Variants in SDF2L1 observed in about 807,000 individuals in gnomAD.
SDF2L1 encodes the protein stromal cell derived factor 2 like 1, also known as stromal cell-derived factor 2-like protein 1.
Under a neutral mutation model 19.4 loss-of-function variants are expected in SDF2L1, and 18 were observed. The ratio of observed to expected loss-of-function variants is 0.93; its 90% CI spans 0.64 to 1.38. SDF2L1 has a LOEUF of 1.38. Among genes scored for constraint, SDF2L1 ranks in the 40% most tolerant of loss-of-function variants. SDF2L1 has a pLI of 0.00. For synonymous variants in SDF2L1, 161 were observed against 148.9 expected, an observed-to-expected ratio of 1.08 and a Z score of -0.59; for missense variants, 263 against 319.4, an observed-to-expected ratio of 0.82 and a Z score of 1.35.
Position 21,642,317 on chromosome 22 carries a change from G to A in SDF2L1, c.-20G>A. 1 of 1,337,750 alleles carries A rather than the reference G, an allele frequency of 7.5e-7. No homozygotes were observed. Among genetic ancestry groups the A allele is most frequent in the Non-Finnish European group, 9.5e-7 (1 of 1,052,120 alleles). The allele number at this position is 1,337,750 out of a possible 1,614,324, so 82.9% of individuals were successfully genotyped here. On this transcript the variant is annotated 5_prime_UTR_variant, in exon 1 of 3. Transcript: ENST00000248958. ...CGGAAGCGGCCCCTGGGCCCGAGGG[G>A]CTGGAGCCGGGCCGGGGCGATGTGG...
At chr22:21,643,841 G>A (rs1462973983) in intron 2 of SDF2L1, 53 bp from the exon 3 acceptor site, 10 of 1,543,982 alleles carry the variant, frequency 6.5e-6, no homozygotes, top group Non-Finnish European at 7.9e-6. Context: ...TGTACTAGGT[G>A]CGAATGCCGC....
chr22:21,643,942 T>C lies in SDF2L1; in HGVS notation c.433T>C (p.Trp145Arg), dbSNP rs375250564. 9 of 1,614,074 alleles carry C rather than the reference T, an allele frequency of 5.6e-6. No individual in the cohort carries two copies. Among genetic ancestry groups the C allele is most frequent in the African/African-American group, 4.0e-5 (3 of 75,020 alleles). ...EDGEGDDLDLWTVRCSGQHWE... is the reference protein window; with the variant it reads ...EDGEGDDLDLRTVRCSGQHWE... ...CGGCGAGGGCGACGACCTGGACCTA[T>C]GGACAGTGCGCTGCTCTGGACAGCA... Residue 145 changes from tryptophan to arginine, a missense_variant, in exon 3 of 3, where the codon TGG becomes CGG. This residue lies in a region of SDF2L1 where 203 missense variants were observed against 256.9 expected (regional missense o/e 0.79). Transcript: ENST00000248958.
At chr22:21,642,608 T>A in intron 1 of SDF2L1, 85 bp downstream of exon 1, 1 of 1,441,352 alleles carries the variant, frequency 6.9e-7, no homozygotes, top group Non-Finnish European at 9.2e-7. Context: ...TGGGGGTCTG[T>A]GGGCCGTCTG....
In SDF2L1 at chr22:21,642,331, G is replaced by C. The variant is rs1342641799; in HGVS notation, c.-6G>C. On this transcript the variant is annotated 5_prime_UTR_variant, in exon 1 of 3. Transcript: ENST00000248958. ...GGGCCCGAGGGGCTGGAGCCGGGCC[G>C]GGGCGATGTGGAGCGCGGGCCGCGG... 1.5e-5 allele frequency: 21 copies of C among 1,358,736 alleles called. No individual in the cohort carries two copies. Among genetic ancestry groups the C allele is most frequent in the Admixed American group, 4.1e-5 (1 of 24,466 alleles). The allele number at this position is 1,358,736 out of a possible 1,614,324, so 84.2% of individuals were successfully genotyped here. A position where few individuals can be genotyped will look rare whatever the true frequency, so the allele number is the denominator to read the frequency against.
rs115262323 is a variant in SDF2L1 at position 21,644,021 on chromosome 22, T to C, written c.512T>C (p.Leu171Pro). Residue 171 changes from leucine (L) to proline (P), a missense_variant, in exon 3 of 3, where the codon CTG (leucine) becomes CCG (proline). Around this residue, in one of 3 missense-constraint regions of SDF2L1, gnomAD observed 203 missense variants for 256.9 expected, o/e 0.79. Coordinates refer to ENST00000248958, the MANE Select transcript of SDF2L1 (RefSeq NM_022044.3). ...RFQHVGTSVF[L>P]SVTGEQYGSP... ...CAGCATGTGGGCACCTCTGTGTTCC[T>C]GTCAGTCACGGGTGAGCAGTATGGA... 38 of 1,614,194 alleles carry C rather than the reference T, an allele frequency of 2.4e-5. No individual in the cohort carries two copies. In the East Asian group the frequency reaches 8.2e-4, roughly 35 times the overall value.
chr22:21,643,824 G>C lies in SDF2L1; in HGVS notation c.385-70G>C, dbSNP rs373948902. Reference sequence around the variant, plus strand: ...CCAGGAAGGGTAGGGAAGAACCCGAGGCTCGGTGTACTAGGTGCGAATGCC... The same window carrying C: ...CCAGGAAGGGTAGGGAAGAACCCGACGCTCGGTGTACTAGGTGCGAATGCC... On this transcript the variant is annotated intron_variant, in intron 2 of 2. Transcript: ENST00000248958. 4.7e-5 allele frequency: 69 copies of C among 1,476,076 alleles called. No individual in the cohort carries two copies. In the East Asian group the frequency reaches 5.4e-4, roughly 11 times the overall value. The allele number at this position is 1,476,076 out of a possible 1,614,324, so 91.4% of individuals were successfully genotyped here.
At position 21,642,354 on chromosome 22, in the gene SDF2L1, C is replaced by T; in HGVS notation, c.18C>T (p.Arg6=). 6 of 1,390,906 alleles carry T rather than the reference C, an allele frequency of 4.3e-6. No homozygotes were observed. The highest frequency in any genetic ancestry group is 1.5e-5 in the African/African-American group (1 of 65,286). The allele number at this position is 1,390,906 out of a possible 1,614,324, so 86.2% of individuals were successfully genotyped here. Residue 6 remains arginine (R), a synonymous_variant, in exon 1 of 3, where the codon CGC becomes CGT. Transcript: ENST00000248958. MWSAG[R]GGAAWPVLLG... is the part of the protein sequence containing the mutation. ...CCGGGGCGATGTGGAGCGCGGGCCG[C>T]GGCGGGGCTGCCTGGCCGGTGCTGT...
At chr22:21,643,203 A>T in intron 2 of SDF2L1, 145 bp downstream of exon 2, 1 of 979,228 alleles carries the variant, frequency 1.0e-6, no homozygotes, top group Middle Eastern at 3.3e-4. Flanking sequence ...CCCTCGGGGG[A>T]CACAGAGTAA....
In SDF2L1 at chr22:21,642,539, G is replaced by T. The variant is rs372032419; in HGVS notation, c.187+16G>T. On this transcript the variant is annotated intron_variant, in intron 1 of 2. Transcript: ENST00000248958. ...TACGGATCCGGTGCGTGGGGCCAGC[G>T]ACTGGGAGAGCGCGGGGAACCGGGG... 2 of 1,511,716 alleles carry T rather than the reference G, an allele frequency of 1.3e-6. No homozygotes were observed. Among genetic ancestry groups the T allele is most frequent in the South Asian group, 1.3e-5 (1 of 78,624 alleles). The allele number at this position is 1,511,716 out of a possible 1,614,324, so 93.6% of individuals were successfully genotyped here.
In SDF2L1 at chr22:21,644,127, C is replaced by T; in HGVS notation, c.618C>T (p.Ile206=). The change falls in exon 3 of 3, where the codon ATC becomes ATT. Residue 206 remains isoleucine, a synonymous_variant. Coordinates refer to ENST00000248958, the MANE Select transcript of SDF2L1 (RefSeq NM_022044.3). ...THNTWKAMEG[I]FIKPSVEPSA... ...ATACGTGGAAGGCCATGGAAGGCAT[C>T]TTCATCAAGCCTAGTGTGGAGCCCT... 6.2e-7 allele frequency: 1 copy of T among 1,614,192 alleles called. No homozygotes were observed.
At chr22:21,642,759 G>T in intron 1 of SDF2L1, 103 bp from the exon 2 acceptor site, 1 of 1,392,484 alleles carries the variant, frequency 7.2e-7, no homozygotes, top group Non-Finnish European at 9.7e-7. Flanking sequence ...GGGGGCTGGG[G>T]GTGAGCCCTT....
intron 2 of SDF2L1, 34 bp from the exon 3 acceptor site, chr22:21,643,860 G>C: frequency 6.3e-7 from 1 of 1,590,444 alleles, no homozygotes; most frequent in Non-Finnish European, 8.6e-7. Context: ...GCCTTCTGTG[G>C]TGACCACTGT....
chr22:21,642,378 G>A lies in SDF2L1; in HGVS notation c.42G>A (p.Leu14=), dbSNP rs997861359. 7 of 1,442,130 alleles carry A rather than the reference G, an allele frequency of 4.9e-6. No homozygotes were observed. The African/African-American group carries it at 9.1e-5, about 19-fold the overall frequency. The allele number at this position is 1,442,130 out of a possible 1,614,324, so 89.3% of individuals were successfully genotyped here. Reference sequence around the variant, plus strand: ...GCGGCGGGGCTGCCTGGCCGGTGCTGTTGGGGCTGCTGCTGGCGCTGTTAG... The same window carrying A: ...GCGGCGGGGCTGCCTGGCCGGTGCTATTGGGGCTGCTGCTGGCGCTGTTAG... ...AGRGGAAWPV[L]LGLLLALLVP... is the part of the protein sequence containing the mutation. The change falls in exon 1 of 3, where the codon CTG becomes CTA. Residue 14 remains leucine, a synonymous_variant. Transcript: ENST00000248958.
Position 21,642,732 on chromosome 22 carries a change from CTG to C in SDF2L1, c.188-129_188-128del, listed in dbSNP as rs758387755. 2,394 of 1,209,602 alleles carry C rather than the reference CTG, an allele frequency of 2.0e-3. 3 individuals carry two copies. Among genetic ancestry groups the C allele is most frequent in the Non-Finnish European group, 2.6e-3 (2,291 of 883,834 alleles). The allele number at this position is 1,209,602 out of a possible 1,614,324, so 74.9% of individuals were successfully genotyped here. ...CGTCGGGGAACTGCGGGCCCAAAGA[CTG>C]AGGGGGTGTCAGGCGGGGGCTGGGG... On this transcript the variant is annotated intron_variant, in intron 1 of 2. Coordinates refer to ENST00000248958, the MANE Select transcript of SDF2L1 (RefSeq NM_022044.3).
chr22:21,642,343 A>T lies in SDF2L1; in HGVS notation c.7A>T (p.Ser3Cys). MW[S>C]AGRGGAAWPV... ...CTGGAGCCGGGCCGGGGCGATGTGG[A>T]GCGCGGGCCGCGGCGGGGCTGCCTG... is the stretch of plus-strand genomic sequence containing the variant. Residue 3 changes from serine to cysteine, a missense_variant, in exon 1 of 3, where the codon AGC becomes TGC. By Grantham distance (112) the Ser-to-Cys change is moderately radical (BLOSUM62 -1). Around this residue, in one of 3 missense-constraint regions of SDF2L1, gnomAD observed 56 missense variants for 45.3 expected, o/e 1.24. Coordinates refer to ENST00000248958, the MANE Select transcript of SDF2L1 (RefSeq NM_022044.3). 12 of 1,375,286 alleles carry T rather than the reference A, an allele frequency of 8.7e-6. No homozygotes were observed. The highest frequency in any genetic ancestry group is 1.0e-5 in the Non-Finnish European group (11 of 1,072,834). 85.2% of individuals were successfully genotyped at this position (1,375,286 alleles called of 1,614,324 possible). A position where few individuals can be genotyped will look rare whatever the true frequency, so the allele number is the denominator to read the frequency against.
Position 21,643,994 on chromosome 22 carries a change from T to C in SDF2L1, c.485T>C (p.Phe162Ser). The C allele has an allele frequency of 6.2e-7, 1 of 1,614,176 alleles. No individual in the cohort carries two copies. ...QHWEREAAVR[F>S]QHVGTSVFLS... The stretch of plus-strand genomic sequence containing the variant: ...TGGGAGCGTGAGGCTGCTGTGCGCT[T>C]CCAGCATGTGGGCACCTCTGTGTTC... The change falls in exon 3 of 3, where the codon TTC (phenylalanine) becomes TCC (serine). Residue 162 changes from phenylalanine to serine, a missense_variant. Around this residue, in one of 3 missense-constraint regions of SDF2L1, gnomAD observed 203 missense variants for 256.9 expected, o/e 0.79. Transcript: ENST00000248958.
intron 2 of SDF2L1, among the ~76,000 whole-genome samples, chr22:21,643,592 T>C (rs1242910034): frequency 2.6e-5 from 4 of 152,146 alleles, no homozygotes; most frequent in Non-Finnish European, 5.9e-5. Context: ...CCTGAGGGGC[T>C]GAATTTTAGG....
At position 21,642,959 on chromosome 22, in the gene SDF2L1, G is replaced by A. The variant is rs1203369670; in HGVS notation, c.285G>A (p.Gly95=). 1 of 1,570,954 alleles carries A rather than the reference G, an allele frequency of 6.4e-7. No individual in the cohort carries two copies. The highest frequency in any genetic ancestry group is 8.6e-7 in the Non-Finnish European group (1 of 1,159,972). Residue 95 remains glycine, a synonymous_variant, in exon 2 of 3, where the codon GGG becomes GGA. Coordinates refer to ENST00000248958, the MANE Select transcript of SDF2L1 (RefSeq NM_022044.3). ...RGGSEGGCPR[G]SPVRCGQAVR... ...GCTCGGAGGGCGGGTGCCCGCGCGG[G>A]TCCCCGGTGCGCTGCGGGCAGGCGG... is the stretch of plus-strand genomic sequence containing the variant.
At position 21,642,670 on chromosome 22, in the gene SDF2L1, C is replaced by G. The variant is rs142388459; in HGVS notation, c.187+147C>G. The G allele has an allele frequency of 1.4e-3, 1,604 of 1,164,790 alleles. 21 individuals carry two copies. The African/African-American group carries it at 0.024, about 17-fold the overall frequency. The allele number at this position is 1,164,790 out of a possible 1,614,324, so 72.2% of individuals were successfully genotyped here. A position where few individuals can be genotyped will look rare whatever the true frequency, so the allele number is the denominator to read the frequency against. ...TCGTTGGGAGGTCGAGGGGCCAAAGCTTTGAGGGTGTCGAGGATATTGAGG... is the reference window on the plus strand; with the variant it reads ...TCGTTGGGAGGTCGAGGGGCCAAAGGTTTGAGGGTGTCGAGGATATTGAGG... On this transcript the variant is annotated intron_variant, in intron 1 of 2. Transcript: ENST00000248958.
Sources: gnomAD v4.1 joint callset for allele counts (sites outside exome capture counted in the v4.1 genomes callset) on GRCh38, gnomAD v4.1.1 for gene constraint, gnomAD v4.1.1 regional missense constraint, MANE v1.5 for transcripts, NCBI Gene and HGNC (gene_info 2026-07-23, HGNC 2026-07-21) for gene names.